ITCH: variants seen among roughly 807,000 people sequenced by gnomAD.
ITCH encodes the protein itchy E3 ubiquitin protein ligase.
In ITCH, 28 loss-of-function variants were observed where a neutral mutation model predicts 126.8. The ratio of observed to expected loss-of-function variants is 0.22; its 90% CI spans 0.16 to 0.30. The LOEUF is 0.30. Ranked by LOEUF, ITCH falls within the 10% of genes least tolerant of loss-of-function variation. ITCH has a pLI of 1.00. For missense variants in ITCH, 631 were observed against 1,032.4 expected, an observed-to-expected ratio of 0.61 and a Z score of 5.33; for synonymous variants, 342 against 340.0, an observed-to-expected ratio of 1.01 and a Z score of -0.06.
chr20:34,495,294 A>AAT (rs56706640), intron 23 of ITCH, among the ~76,000 whole-genome samples: 9,047 of 120,278 alleles, frequency 0.075, 356 homozygotes, highest in Admixed American at 0.1. Flanking sequence ...AAATAAATAA[A>AAT]ATATATATAT....
intron 23 of ITCH, among the ~76,000 whole-genome samples, chr20:34,498,479 C>T (rs560668620): frequency 6.6e-6 from 1 of 152,038 alleles, no homozygotes; most frequent in African/African-American, 2.4e-5. Context: ...TAATATATAG[C>T]CTTTATTATG....
chr20:34,371,025 G>A (rs1419539297), intron 2 of ITCH, among the ~76,000 whole-genome samples: 10 of 151,682 alleles, frequency 6.6e-5, no homozygotes, highest in Non-Finnish European at 8.8e-5. Flanking sequence ...AAAATTAGCC[G>A]GGTGTGGTGG....
chr20:34,466,088 G>A (rs989451370), intron 14 of ITCH, among the ~76,000 whole-genome samples: 1 of 151,968 alleles, frequency 6.6e-6, no homozygotes, highest in African/African-American at 2.4e-5. Flanking sequence ...TCTATTCCTA[G>A]TGTTTCCTAT....
intron 4 of ITCH, among the ~76,000 whole-genome samples, chr20:34,409,227 C>T (rs1481646463): frequency 6.9e-6 from 1 of 145,626 alleles, no homozygotes; most frequent in African/African-American, 2.6e-5. Flanking sequence ...GAGCCTCACC[C>T]TGTCACCCAA....
At chr20:34,461,777 G>T (rs1347160385) in intron 13 of ITCH, among the ~76,000 whole-genome samples, 1 of 151,054 alleles carries the variant, frequency 6.6e-6, no homozygotes, top group Non-Finnish European at 1.5e-5. Context: ...GTTGGGGATT[G>T]GAAATAGAGA....
chr20:34,382,728 C>CTATTATTAT (rs374784508), intron 2 of ITCH, among the ~76,000 whole-genome samples: 5,523 of 139,862 alleles, frequency 0.039, 130 homozygotes, highest in South Asian at 0.051. Context: ...TTTATTATTA[C>CTATTATTAT]TATTATTATT....
At chr20:34,434,638 T>C (rs530891068) in intron 7 of ITCH, among the ~76,000 whole-genome samples, 1 of 152,136 alleles carries the variant, frequency 6.6e-6, no homozygotes, top group Admixed American at 6.5e-5. Context: ...CAGAGAAATT[T>C]TAAGGTATGG....
chr20:34,367,293 T>G (rs2037457026), intron 1 of ITCH, among the ~76,000 whole-genome samples: 1 of 152,138 alleles, frequency 6.6e-6, no homozygotes, highest in Non-Finnish European at 1.5e-5. Flanking sequence ...TTCGTGTGCC[T>G]CAGCCTCCCA....
At chr20:34,416,656 T>C (rs1292729198) in intron 6 of ITCH, among the ~76,000 whole-genome samples, 3 of 152,180 alleles carry the variant, frequency 2.0e-5, no homozygotes, top group African/African-American at 7.2e-5. Flanking sequence ...ATAAATTTTC[T>C]AAAAATGGCA....
intron 16 of ITCH, chr20:34,476,576 A>G (rs1268872972): frequency 1.5e-6 from 1 of 684,814 alleles, no homozygotes; most frequent in Non-Finnish European, 2.0e-6. Context: ...CTATTTGTAG[A>G]ATACTTGGCA....
At chr20:34,416,432 A>G (rs1979864698) in intron 6 of ITCH, among the ~76,000 whole-genome samples, 2 of 152,136 alleles carry the variant, frequency 1.3e-5, no homozygotes, top group Non-Finnish European at 2.9e-5. Flanking sequence ...ATAACAATAT[A>G]CTACAATAAA....
chr20:34,383,457 C>T (rs1216370572), intron 2 of ITCH, among the ~76,000 whole-genome samples: 2 of 151,064 alleles, frequency 1.3e-5, no homozygotes, highest in African/African-American at 2.4e-5. Context: ...ACCTCCGCCT[C>T]CTTGGTTCAA....
intron 2 of ITCH, among the ~76,000 whole-genome samples, chr20:34,371,533 C>T (rs892159273): frequency 6.6e-6 from 1 of 152,064 alleles, no homozygotes; most frequent in Non-Finnish European, 1.5e-5. Flanking sequence ...ATCTGCCCGC[C>T]TCTGCCTCCC....
intron 7 of ITCH, among the ~76,000 whole-genome samples, chr20:34,427,579 C>T (rs761733966): frequency 6.6e-6 from 1 of 152,162 alleles, no homozygotes; most frequent in South Asian, 2.1e-4. Flanking sequence ...TGCCACTGTA[C>T]TCAGAGTGAT....
intron 12 of ITCH, among the ~76,000 whole-genome samples, chr20:34,456,282 T>G (rs1238874191): frequency 8.3e-6 from 1 of 120,996 alleles, no homozygotes; most frequent in Non-Finnish European, 1.7e-5. Context: ...TAGAGTGCAG[T>G]GGCATGATCT....
intron 7 of ITCH, among the ~76,000 whole-genome samples, chr20:34,434,002 G>A (rs1160528246): frequency 2.0e-5 from 3 of 152,146 alleles, no homozygotes; most frequent in Non-Finnish European, 2.9e-5. Flanking sequence ...GGGGCTAGGC[G>A]CAGTGGCTCA....
At chr20:34,433,527 A>T (rs1282321263) in intron 7 of ITCH, among the ~76,000 whole-genome samples, 1 of 152,000 alleles carries the variant, frequency 6.6e-6, no homozygotes, top group African/African-American at 2.4e-5. Context: ...AAAATACAAA[A>T]ATTAGCCAGG....
intron 1 of ITCH, among the ~76,000 whole-genome samples, chr20:34,366,950 A>C (rs1044537821): frequency 1.3e-5 from 2 of 152,174 alleles, no homozygotes; most frequent in African/African-American, 4.8e-5. Flanking sequence ...GATTGGATTT[A>C]GCTTTTTACT....
intron 7 of ITCH, among the ~76,000 whole-genome samples, chr20:34,430,985 A>C (rs1982215574): frequency 6.6e-6 from 1 of 152,330 alleles, no homozygotes; most frequent in East Asian, 1.9e-4. Flanking sequence ...AGTGGGATCA[A>C]CAGGACTTAG....
Sources: gnomAD v4.1 joint callset for allele counts (sites outside exome capture counted in the v4.1 genomes callset) on GRCh38, gnomAD v4.1.1 for gene constraint, MANE v1.5 for transcripts, NCBI Gene and HGNC (gene_info 2026-07-23, HGNC 2026-07-21) for gene names.